The following SLC6A11 variants were observed in gnomAD, a reference collection of about 807,000 sequenced individuals.
SLC6A11 encodes the protein sodium- and chloride-dependent GABA transporter 3.
SLC6A11 carries 25 observed loss-of-function variants against 74.8 expected under a neutral mutation model. That is an observed-to-expected ratio of 0.33 (90% CI 0.24 to 0.47). The LOEUF (loss-of-function observed/expected upper bound fraction) is 0.47, where lower values mean the gene tolerates loss of function less well. Among genes scored for constraint, SLC6A11 ranks in the 20% least tolerant of loss-of-function variants. SLC6A11 has a pLI of 1.00. For missense variants in SLC6A11, 574 were observed against 837.0 expected, an observed-to-expected ratio of 0.69 and a Z score of 3.88; for synonymous variants, 330 against 330.2, an observed-to-expected ratio of 1.00 and a Z score of 0.01.
intron 5 of SLC6A11, 146 bp downstream of exon 5, chr3:10,844,492 C>T: frequency 3.3e-6 from 3 of 904,056 alleles, no homozygotes; most frequent in Non-Finnish European, 5.2e-6. Flanking sequence ...GTGAGCTCTA[C>T]CCACCCTCAC....
intron 6 of SLC6A11, among the ~76,000 whole-genome samples, chr3:10,898,570 C>T (rs1023552218): frequency 1.3e-5 from 2 of 152,240 alleles, no homozygotes; most frequent in East Asian, 1.9e-4. Context: ...ACAAGAGTCA[C>T]GTTTGCTCCA....
intron 4 of SLC6A11, among the ~76,000 whole-genome samples, chr3:10,834,104 T>C (rs1694334749): frequency 6.6e-6 from 1 of 152,202 alleles, no homozygotes; most frequent in Non-Finnish European, 1.5e-5. Context: ...TGAGTTCTCA[T>C]CTCACACGGG....
At chr3:10,845,684 A>G (rs1694494115) in intron 5 of SLC6A11, among the ~76,000 whole-genome samples, 5 of 152,162 alleles carry the variant, frequency 3.3e-5, no homozygotes, top group Admixed American at 2.0e-4. Flanking sequence ...GGCTATCTGG[A>G]AGCTGAGGGT....
At chr3:10,827,210 G>A (rs1029566809) in intron 4 of SLC6A11, among the ~76,000 whole-genome samples, 3 of 152,156 alleles carry the variant, frequency 2.0e-5, no homozygotes, top group African/African-American at 7.2e-5. Context: ...CCTTCAGTGA[G>A]AATATCCATT....
intron 4 of SLC6A11, among the ~76,000 whole-genome samples, chr3:10,826,556 G>C (rs747778941): frequency 6.6e-6 from 1 of 152,192 alleles, no homozygotes; most frequent in Non-Finnish European, 1.5e-5. Flanking sequence ...ATCATTATTT[G>C]TATAATGTAT....
intron 5 of SLC6A11, among the ~76,000 whole-genome samples, chr3:10,873,680 AT>A (rs1694867381): frequency 9.3e-6 from 1 of 107,626 alleles, no homozygotes; most frequent in African/African-American, 4.2e-5. Context: ...ATCCTATCCT[AT>A]CCCGTCCCAT....
intron 4 of SLC6A11, among the ~76,000 whole-genome samples, chr3:10,832,579 A>G (rs965609695): frequency 2.0e-5 from 3 of 152,226 alleles, no homozygotes; most frequent in Non-Finnish European, 4.4e-5. Flanking sequence ...ATATGTTTGT[A>G]TGTCAGATTA....
In SLC6A11 at chr3:10,920,560, C is replaced by T. The variant is rs142918038; in HGVS notation, c.1120+2107C>T. On this transcript the variant is annotated intron_variant, in intron 8 of 13. Coordinates refer to ENST00000254488, the MANE Select transcript of SLC6A11 (RefSeq NM_014229.3). ...ACTTTCTCTGTCCCACTTGTCAGGC[C>T]GTAAGATAGTTGTTTTTTCATATAC... Among the ~76,000 whole-genome samples the T allele has an allele frequency of 1.3e-4, 20 of 152,228 alleles. No individual in the cohort carries two copies. In the South Asian group the frequency reaches 1.9e-3, roughly 14 times the overall value.
chr3:10,932,678 G>A (rs182045161), intron 10 of SLC6A11, among the ~76,000 whole-genome samples: 21 of 152,334 alleles, frequency 1.4e-4, no homozygotes, highest in Middle Eastern at 3.4e-3. Context: ...GGCAGCAGCC[G>A]TGACTAGCAG....
chr3:10,900,312 C>G (rs1423579551), intron 6 of SLC6A11, among the ~76,000 whole-genome samples: 6 of 152,046 alleles, frequency 3.9e-5, no homozygotes, highest in Non-Finnish European at 7.4e-5. Flanking sequence ...TGCTGGAGAC[C>G]CTAAGCAGCT....
At chr3:10,825,656 T>C (rs1694199156) in intron 4 of SLC6A11, among the ~76,000 whole-genome samples, 1 of 152,238 alleles carries the variant, frequency 6.6e-6, no homozygotes, top group African/African-American at 2.4e-5. Context: ...TATTTTCTTC[T>C]AAGAGTTTTA....
intron 5 of SLC6A11, among the ~76,000 whole-genome samples, chr3:10,857,525 G>A (rs576013383): frequency 6.6e-6 from 1 of 152,260 alleles, no homozygotes; most frequent in Non-Finnish European, 1.5e-5. Context: ...TAATGAACTA[G>A]AACCCCCAGT....
intron 7 of SLC6A11, among the ~76,000 whole-genome samples, chr3:10,916,904 C>T (rs1339016005): frequency 6.6e-6 from 1 of 152,158 alleles, no homozygotes; most frequent in Non-Finnish European, 1.5e-5. Flanking sequence ...TCTACTTTAC[C>T]CTTGATTCCT....
intron 4 of SLC6A11, among the ~76,000 whole-genome samples, chr3:10,829,917 T>C (rs1338207302): frequency 1.3e-5 from 2 of 152,182 alleles, no homozygotes; most frequent in African/African-American, 4.8e-5. Context: ...AGTGCATTTT[T>C]TTCTTCACTT....
chr3:10,929,699 A>G (rs972047001), intron 10 of SLC6A11, among the ~76,000 whole-genome samples: 12 of 152,140 alleles, frequency 7.9e-5, no homozygotes, highest in African/African-American at 2.7e-4. Context: ...TACAGCATTT[A>G]CCTATGAGTG....
At chr3:10,875,408 C>A (rs934789835) in intron 6 of SLC6A11, among the ~76,000 whole-genome samples, 4 of 152,150 alleles carry the variant, frequency 2.6e-5, no homozygotes, top group African/African-American at 9.7e-5. Context: ...CAGCAATGAG[C>A]ATAAGTGACA....
intron 5 of SLC6A11, among the ~76,000 whole-genome samples, chr3:10,872,481 T>C (rs1694839179): frequency 1.3e-5 from 2 of 152,248 alleles, no homozygotes; most frequent in South Asian, 4.1e-4. Flanking sequence ...TCTGGACTGC[T>C]CTTGCAGTGA....
rs182589927 is a variant in SLC6A11 at position 10,838,768 on chromosome 3, A to T, written c.624-5446A>T. Among the ~76,000 whole-genome samples the T allele has an allele frequency of 4.3e-3, 647 of 152,224 alleles. 4 individuals are homozygous for T. Among genetic ancestry groups the T allele is most frequent in the African/African-American group, 0.014 (597 of 41,530 alleles). ...TGTCTCAAAATATGTATATATATCA[A>T]TTTGGGCAAGTTGCTTCACCTCCCT... On this transcript the variant is annotated intron_variant, in intron 4 of 13. Transcript: ENST00000254488.
At chr3:10,824,517 A>G (rs554929258) in intron 4 of SLC6A11, 4 of 152,310 alleles carry the variant, frequency 2.6e-5, no homozygotes, top group African/African-American at 7.2e-5. Flanking sequence ...CTTTTCATAT[A>G]TATATGCCCC....
Sources: allele counts gnomAD v4.1 joint callset (sites outside exome capture counted in the v4.1 genomes callset), GRCh38; gene constraint gnomAD v4.1.1; transcripts MANE v1.5; gene names NCBI Gene and HGNC (gene_info 2026-07-23, HGNC 2026-07-21).